The following CCDC178 variants were observed in gnomAD, a reference collection of about 807,000 sequenced individuals.
CCDC178 encodes coiled-coil domain containing 178.
Under a neutral mutation model 117.4 loss-of-function variants are expected in CCDC178, and 126 were observed. The observed-to-expected ratio is 1.07, with a 90% CI of 0.93 to 1.24. The LOEUF is 1.24. CCDC178 is among the 50% of genes most tolerant of loss of function. CCDC178 has a pLI of 0.00. For synonymous variants in CCDC178, 283 were observed against 313.4 expected, an observed-to-expected ratio of 0.90 and a Z score of 1.02; for missense variants, 1,030 against 986.9, an observed-to-expected ratio of 1.04 and a Z score of -0.59.
intron 22 of CCDC178, among the ~76,000 whole-genome samples, chr18:32,963,519 C>T (rs1028143402): frequency 1.3e-4 from 19 of 151,932 alleles, no homozygotes; most frequent in African/African-American, 4.6e-4. Flanking sequence ...TGATGCTCCC[C>T]GTGTTGCATT....
intron 15 of CCDC178, among the ~76,000 whole-genome samples, chr18:33,227,956 T>C (rs1212509346): frequency 6.6e-6 from 1 of 152,176 alleles, no homozygotes. Flanking sequence ...ACAGCACAGT[T>C]TTTCAGTTTG....
chr18:33,430,312 T>C (rs181879342), intron 2 of CCDC178, among the ~76,000 whole-genome samples: 1 of 152,348 alleles, frequency 6.6e-6, no homozygotes, highest in East Asian at 1.9e-4. Context: ...TGAAACACTT[T>C]TGATGAAATA....
chr18:33,148,855 A>G (rs2058306930), intron 20 of CCDC178, among the ~76,000 whole-genome samples: 1 of 152,180 alleles, frequency 6.6e-6, no homozygotes, highest in South Asian at 2.1e-4. Context: ...TTTTGTAACC[A>G]GAAGGGTCAA....
At chr18:33,040,423 CAATGG>C (rs953514934) in intron 21 of CCDC178, among the ~76,000 whole-genome samples, 3 of 151,780 alleles carry the variant, frequency 2.0e-5, no homozygotes, top group African/African-American at 7.2e-5. Flanking sequence ...AAAACCAAAT[CAATGG>C]AAAAGAATTT....
intron 5 of CCDC178, among the ~76,000 whole-genome samples, chr18:33,372,222 G>C (rs748489771): frequency 1.2e-4 from 18 of 152,042 alleles, no homozygotes; most frequent in Non-Finnish European, 2.6e-4. Context: ...CCAAAATTCA[G>C]TGGTTCATGT....
At chr18:33,145,905 T>C (rs1364004652) in intron 20 of CCDC178, among the ~76,000 whole-genome samples, 1 of 152,224 alleles carries the variant, frequency 6.6e-6, no homozygotes, top group African/African-American at 2.4e-5. Flanking sequence ...TCTTACATCC[T>C]GGAGATTTGG....
chr18:33,383,037 C>T (rs915722669), intron 5 of CCDC178, among the ~76,000 whole-genome samples: 1 of 152,130 alleles, frequency 6.6e-6, no homozygotes, highest in East Asian at 1.9e-4. Flanking sequence ...ATTTCTGTGG[C>T]TTTAGTAGGC....
At chr18:33,316,480 G>T (rs969078955) in intron 11 of CCDC178, among the ~76,000 whole-genome samples, 1 of 151,902 alleles carries the variant, frequency 6.6e-6, no homozygotes, top group Non-Finnish European at 1.5e-5. Context: ...CCCACACGCC[G>T]TGGGCTCCTG....
chr18:33,105,246 CT>C (rs1045842821), intron 20 of CCDC178, among the ~76,000 whole-genome samples: 1 of 151,612 alleles, frequency 6.6e-6, no homozygotes, highest in African/African-American at 2.4e-5. Context: ...ACAGTTAGTA[CT>C]TTTTACATGA....
Position 33,306,931 on chromosome 18 carries a change from C to T in CCDC178, c.1023-13619G>A, listed in dbSNP as rs879125859. On this transcript the variant is annotated intron_variant, in intron 11 of 22. Transcript: ENST00000383096. ...TCACTCAGCTCTTATACTTCTCCTTCCTGTCACCATGTGAAGAAAGATGTG... is the reference window on the plus strand; with the variant it reads ...TCACTCAGCTCTTATACTTCTCCTTTCTGTCACCATGTGAAGAAAGATGTG... 1.2e-4 allele frequency among the ~76,000 whole-genome samples: 18 copies of T among 152,158 alleles called. 1 individual carries two copies. Among genetic ancestry groups the T allele is most frequent in the Admixed American group, 9.8e-4 (15 of 15,266 alleles).
intron 4 of CCDC178, among the ~76,000 whole-genome samples, chr18:33,391,541 A>C (rs960245875): frequency 1.3e-5 from 2 of 152,128 alleles, no homozygotes; most frequent in African/African-American, 4.8e-5. Context: ...ACAACAATTC[A>C]AAAAAGTTTA....
intron 20 of CCDC178, among the ~76,000 whole-genome samples, chr18:33,161,753 A>AT (rs1375260890): frequency 5.3e-5 from 8 of 152,024 alleles, no homozygotes; most frequent in Non-Finnish European, 2.9e-5. Context: ...TGAACTCATC[A>AT]TTTTTTATGG....
chr18:33,333,622 T>A (rs556522738), intron 9 of CCDC178, among the ~76,000 whole-genome samples: 2 of 151,180 alleles, frequency 1.3e-5, no homozygotes, highest in South Asian at 2.1e-4. Context: ...TTCAAGCAAT[T>A]CTGCCTCAGC....
At chr18:33,230,382 T>C (rs953956150) in intron 15 of CCDC178, among the ~76,000 whole-genome samples, 1 of 152,262 alleles carries the variant, frequency 6.6e-6, no homozygotes, top group South Asian at 2.1e-4. Flanking sequence ...TTCAAACATG[T>C]ATCAGCACCA....
chr18:32,999,143 C>T (rs1001596979), intron 21 of CCDC178, among the ~76,000 whole-genome samples: 2 of 152,060 alleles, frequency 1.3e-5, no homozygotes, highest in African/African-American at 4.8e-5. Context: ...GCAGCATTCA[C>T]CACAAGCTGA....
intron 20 of CCDC178, among the ~76,000 whole-genome samples, chr18:33,097,305 G>C (rs1416234927): frequency 6.6e-6 from 1 of 152,112 alleles, no homozygotes; most frequent in African/African-American, 2.4e-5. Context: ...TCCTAGCTCA[G>C]TTCTCAGGCA....
intron 20 of CCDC178, among the ~76,000 whole-genome samples, chr18:33,136,764 G>A (rs2058132358): frequency 6.6e-6 from 1 of 152,028 alleles, no homozygotes; most frequent in South Asian, 2.1e-4. Flanking sequence ...CAATAATCTT[G>A]AAGACCTATA....
chr18:33,320,216 C>A (rs2062486505), intron 11 of CCDC178, among the ~76,000 whole-genome samples: 1 of 152,136 alleles, frequency 6.6e-6, no homozygotes, highest in African/African-American at 2.4e-5. Context: ...CACTCCTGTT[C>A]AACATAGTGT....
At position 33,261,123 on chromosome 18, in the gene CCDC178, G is replaced by A. The variant is rs561483223; in HGVS notation, c.1409+5793C>T. Among the ~76,000 whole-genome samples, 6 of 150,076 alleles carry A rather than the reference G, an allele frequency of 4.0e-5. No individual in the cohort carries two copies. In the East Asian group the frequency reaches 5.9e-4, roughly 15 times the overall value. ...TGTTGAGACACAGTCTCGCTCTGTC[G>A]CCCAGGCTGGAGTGCAGTGGCACGA... On this transcript the variant is annotated intron_variant, in intron 14 of 22. Coordinates refer to ENST00000383096, the MANE Select transcript of CCDC178 (RefSeq NM_001105528.4).
Sources: gnomAD v4.1 joint callset for allele counts (sites outside exome capture counted in the v4.1 genomes callset) on GRCh38, gnomAD v4.1.1 for gene constraint, MANE v1.5 for transcripts, NCBI Gene and HGNC (gene_info 2026-07-23, HGNC 2026-07-21) for gene names.